The following GTF2I variants were observed in gnomAD, a reference collection of about 807,000 sequenced individuals.
GTF2I encodes general transcription factor IIi.
A neutral mutation model predicts 67.6 loss-of-function variants in GTF2I; 12 were observed. The observed-to-expected ratio is 0.18, with a 90% CI of 0.11 to 0.29. The LOEUF (loss-of-function observed/expected upper bound fraction) is 0.29. Among genes scored for constraint, GTF2I ranks in the 10% least tolerant of loss-of-function variants. The pLI, the probability that GTF2I is intolerant of heterozygous loss-of-function variation, is 1.00. For missense variants in GTF2I, 271 were observed against 580.1 expected (o/e 0.47, Z 5.47); for synonymous variants, 149 against 197.0 (o/e 0.76, Z 2.04).
chr7:74,718,399 A>G (rs1181873292), intron 11 of GTF2I, among the ~76,000 whole-genome samples: 2 of 152,264 alleles, frequency 1.3e-5, no homozygotes, highest in African/African-American at 2.4e-5. Flanking sequence ...GCCAGAGGAT[A>G]TAGTCTTGTG....
chr7:74,709,352 G>A (rs587611503), intron 8 of GTF2I, among the ~76,000 whole-genome samples: 2 of 152,188 alleles, frequency 1.3e-5, no homozygotes, highest in South Asian at 2.1e-4. Flanking sequence ...AGATTCAAGC[G>A]ATTCTCCCAC....
At chr7:74,665,670 G>A (rs921750389) in intron 1 of GTF2I, among the ~76,000 whole-genome samples, 5 of 152,210 alleles carry the variant, frequency 3.3e-5, no homozygotes, top group Non-Finnish European at 4.4e-5. Flanking sequence ...AGAAATATTA[G>A]TCATAAAAGT....
At chr7:74,719,128 C>T (rs1054492284) in intron 12 of GTF2I, among the ~76,000 whole-genome samples, 187 bp downstream of exon 12, 3 of 152,098 alleles carry the variant, frequency 2.0e-5, no homozygotes, top group African/African-American at 4.8e-5. Flanking sequence ...AGAATGAGGC[C>T]GTGAGAATTA....
At chr7:74,665,245 TTTTTTA>T (rs1249109364) in intron 1 of GTF2I, among the ~76,000 whole-genome samples, 6 of 151,876 alleles carry the variant, frequency 4.0e-5, no homozygotes, top group African/African-American at 1.2e-4. Flanking sequence ...GCCCGGCCTA[TTTTTTA>T]TTTTTATTTT....
intron 1 of GTF2I, among the ~76,000 whole-genome samples, chr7:74,671,648 C>T (rs1049335551): frequency 6.6e-6 from 1 of 152,084 alleles, no homozygotes; most frequent in Middle Eastern, 3.4e-3. Flanking sequence ...TAGAAATTAA[C>T]AATTTTGTAT....
chr7:74,667,440 C>T (rs2131200276), intron 1 of GTF2I, among the ~76,000 whole-genome samples: 1 of 152,250 alleles, frequency 6.6e-6, no homozygotes, highest in South Asian at 2.1e-4. Context: ...GGAGTGGTTC[C>T]TTGTAGTGTT....
chr7:74,699,175 C>A (rs1009237889), intron 4 of GTF2I, 80 bp downstream of exon 4: 2 of 664,630 alleles, frequency 3.0e-6, no homozygotes, highest in Non-Finnish European at 4.6e-6. Context: ...GTAATTGATT[C>A]GAAAATCATA....
In GTF2I at chr7:74,696,991, A is replaced by T. The variant is rs1214310415; in HGVS notation, c.239-1970A>T. 2.0e-5 allele frequency among the ~76,000 whole-genome samples: 3 copies of T among 152,318 alleles called. No homozygotes were observed. The East Asian group carries it at 5.8e-4, about 29-fold the overall frequency. ...TCATGTGAGTCTCTCACATAATTTAAAACTTTCTAGTTAGAACATTAAAGA... is the reference window on the plus strand; with the variant it reads ...TCATGTGAGTCTCTCACATAATTTATAACTTTCTAGTTAGAACATTAAAGA... On this transcript the variant is annotated intron_variant, in intron 3 of 34. Coordinates refer to ENST00000573035, the MANE Select transcript of GTF2I (RefSeq NM_032999.4).
intron 1 of GTF2I, among the ~76,000 whole-genome samples, chr7:74,666,191 G>A (rs1554388450): frequency 1.3e-5 from 2 of 152,120 alleles, no homozygotes; most frequent in Admixed American, 6.6e-5. Flanking sequence ...TGCTTTATAT[G>A]TTGTTCATTT....
chr7:74,663,696 G>C (rs1024902970), intron 1 of GTF2I, among the ~76,000 whole-genome samples: 1 of 152,196 alleles, frequency 6.6e-6, no homozygotes, highest in Non-Finnish European at 1.5e-5. Flanking sequence ...TTGGGAATCA[G>C]TAGGCTTAAG....
chr7:74,686,310 T>G (rs1161514657), intron 1 of GTF2I, among the ~76,000 whole-genome samples: 1 of 152,158 alleles, frequency 6.6e-6, no homozygotes, highest in East Asian at 1.9e-4. Context: ...TGAATTGGCC[T>G]TAGGTTCCCT....
intron 3 of GTF2I, among the ~76,000 whole-genome samples, chr7:74,694,198 C>T (rs1281860262): frequency 6.6e-6 from 1 of 152,162 alleles, no homozygotes; most frequent in East Asian, 1.9e-4. Flanking sequence ...AGAGTGAGGC[C>T]CTAACTCTCT....
At chr7:74,663,543 G>A (rs1308326861) in intron 1 of GTF2I, among the ~76,000 whole-genome samples, 1 of 152,058 alleles carries the variant, frequency 6.6e-6, no homozygotes, top group Admixed American at 6.6e-5. Context: ...CACCCACCTC[G>A]GCCTCCCCAA....
intron 9 of GTF2I, among the ~76,000 whole-genome samples, chr7:74,714,069 A>G (rs1359160114): frequency 1.3e-5 from 2 of 152,130 alleles, no homozygotes; most frequent in African/African-American, 4.8e-5. Context: ...CTCTTCAGAG[A>G]TAGTTAACTG....
chr7:74,703,344 T>C (rs782399931), intron 6 of GTF2I, among the ~76,000 whole-genome samples: 6 of 152,148 alleles, frequency 3.9e-5, no homozygotes, highest in Non-Finnish European at 8.8e-5. Context: ...CACAAACGTT[T>C]TAAATTTTGA....
At chr7:74,697,979 G>A (rs191891886) in intron 3 of GTF2I, among the ~76,000 whole-genome samples, 2 of 151,740 alleles carry the variant, frequency 1.3e-5, no homozygotes, top group Non-Finnish European at 2.9e-5. Context: ...TGTTTGAGAC[G>A]GAGTCTCACT....
At chr7:74,722,907 T>C (rs1373608386) in intron 12 of GTF2I, 2 of 152,214 alleles carry the variant, frequency 1.3e-5, no homozygotes, top group South Asian at 2.1e-4. Context: ...AGAGGAATTA[T>C]GTACTAAGAT....
intron 12 of GTF2I, among the ~76,000 whole-genome samples, chr7:74,723,448 T>TTTTTTTTTTAA (rs1793342492): frequency 7.0e-6 from 1 of 143,624 alleles, no homozygotes; most frequent in African/African-American, 2.6e-5. Flanking sequence ...TTTTTTTTTT[T>TTTTTTTTTTAA]AAGACGGAGT....
At chr7:74,693,917 C>G (rs35275911) in intron 3 of GTF2I, among the ~76,000 whole-genome samples, 129,468 of 152,142 alleles carry the variant, frequency 0.85, 55,289 homozygotes, top group East Asian at 0.97. Flanking sequence ...GAAAGGAAGA[C>G]TTGCAGGCTG....
Sources: gnomAD v4.1 joint callset for allele counts (sites outside exome capture counted in the v4.1 genomes callset) on GRCh38, gnomAD v4.1.1 for gene constraint, MANE v1.5 for transcripts, NCBI Gene and HGNC (gene_info 2026-07-23, HGNC 2026-07-21) for gene names.